Variants in IGF1R observed in about 807,000 individuals in gnomAD.
IGF1R encodes the protein insulin-like growth factor 1 receptor.
In IGF1R, 44 loss-of-function variants were observed where a neutral mutation model predicts 144.6. The ratio of observed to expected loss-of-function variants is 0.30; its 90% CI spans 0.24 to 0.39. The LOEUF (loss-of-function observed/expected upper bound fraction) is 0.39. IGF1R is among the 10% of genes least tolerant of loss of function. The pLI is 1.00. For synonymous variants in IGF1R, 795 were observed against 722.8 expected (o/e 1.10, Z -1.60); for missense variants, 1,355 against 1,833.7 (o/e 0.74, Z 4.77).
chr15:98,684,766 C>T (rs889942536), intron 1 of IGF1R, among the ~76,000 whole-genome samples: 5 of 152,006 alleles, frequency 3.3e-5, no homozygotes, highest in Admixed American at 2.6e-4. Flanking sequence ...TGGGATTTGG[C>T]TTCAGGAAGT....
intron 1 of IGF1R, among the ~76,000 whole-genome samples, chr15:98,693,594 T>C (rs560325209): frequency 1.3e-5 from 2 of 152,278 alleles, no homozygotes; most frequent in African/African-American, 2.4e-5. Context: ...TGTTCCCTGA[T>C]CGAATGACCT....
intron 2 of IGF1R, among the ~76,000 whole-genome samples, chr15:98,887,204 G>A (rs2141646411): frequency 6.6e-6 from 1 of 152,274 alleles, no homozygotes; most frequent in Middle Eastern, 3.4e-3. Context: ...TGTATCGGTT[G>A]TGGCACGGAC....
chr15:98,770,767 T>A (rs1248487560), intron 2 of IGF1R, among the ~76,000 whole-genome samples: 1 of 152,102 alleles, frequency 6.6e-6, no homozygotes, highest in African/African-American at 2.4e-5. Flanking sequence ...CTCCCTGCCG[T>A]GTCCTGGTTC....
chr15:98,729,264 C>G (rs903551688), intron 2 of IGF1R, among the ~76,000 whole-genome samples: 1 of 152,034 alleles, frequency 6.6e-6, no homozygotes. Context: ...TCTGATTCTT[C>G]AGGGCTTAAT....
At chr15:98,789,796 G>A (rs1596306718) in intron 2 of IGF1R, among the ~76,000 whole-genome samples, 1 of 152,136 alleles carries the variant, frequency 6.6e-6, no homozygotes, top group African/African-American at 2.4e-5. Flanking sequence ...TCATGGCCTT[G>A]GGAGGGTCCT....
intron 20 of IGF1R, among the ~76,000 whole-genome samples, chr15:98,950,534 A>G (rs2016732781): frequency 6.6e-6 from 1 of 152,168 alleles, no homozygotes; most frequent in Non-Finnish European, 1.5e-5. Flanking sequence ...GACTGCTTTC[A>G]ACTCTTGGAG....
Position 98,934,558 on chromosome 15 carries a change from G to A in IGF1R, c.2957-266G>A, listed in dbSNP as rs373849252. ...TTTCTTTCCTATACTAGACTTCCTT[G>A]CTTTGTTCTGGTCCTTCTATCTGTT... On this transcript the variant is annotated intron_variant, in intron 15 of 20. Transcript: ENST00000650285. Among the ~76,000 whole-genome samples, 7 of 152,134 alleles carry A rather than the reference G, an allele frequency of 4.6e-5. No homozygotes were observed. In the East Asian group the frequency reaches 5.8e-4, roughly 13 times the overall value.
At chr15:98,859,951 T>C (rs1567165411) in intron 2 of IGF1R, among the ~76,000 whole-genome samples, 1 of 152,226 alleles carries the variant, frequency 6.6e-6, no homozygotes, top group Non-Finnish European at 1.5e-5. Flanking sequence ...AGTCTTGCTC[T>C]GTCACCCAGG....
At chr15:98,911,486 G>A (rs774226246) in intron 7 of IGF1R, 45 bp downstream of exon 7, 16 of 1,613,094 alleles carry the variant, frequency 9.9e-6, no homozygotes, top group Admixed American at 1.7e-5. Context: ...ACAGGGCTAC[G>A]AATGGGAGAG....
chr15:98,661,964 T>C (rs1362126076), intron 1 of IGF1R, among the ~76,000 whole-genome samples: 3 of 132,862 alleles, frequency 2.3e-5, no homozygotes, highest in Admixed American at 7.3e-5. Flanking sequence ...CCCTTTTTTT[T>C]TTTTTTTTTT....
At chr15:98,781,629 T>C (rs1449221356) in intron 2 of IGF1R, among the ~76,000 whole-genome samples, 1 of 152,216 alleles carries the variant, frequency 6.6e-6, no homozygotes, top group Non-Finnish European at 1.5e-5. Context: ...TTAATAACAT[T>C]TAGCCTTTTT....
intron 2 of IGF1R, among the ~76,000 whole-genome samples, chr15:98,840,258 A>T (rs146965289): frequency 0.011 from 1,699 of 152,296 alleles, 23 homozygotes; most frequent in Middle Eastern, 0.051. Context: ...TCGTGATGAA[A>T]GATACTGCAA....
intron 2 of IGF1R, among the ~76,000 whole-genome samples, chr15:98,789,450 G>A (rs1276883505): frequency 6.6e-6 from 1 of 152,184 alleles, no homozygotes; most frequent in Admixed American, 6.5e-5. Context: ...TTGCTTCTGT[G>A]ATCAAGGTCT....
Position 98,957,014 on chromosome 15 carries a change from T to C in IGF1R, c.3723-47T>C, listed in dbSNP as rs202234575. The stretch of plus-strand genomic sequence containing the variant: ...GGCGGCCCATGAAGCCTCCTGGCCA[T>C]GTGCGCCCTCCCGGTTTGGACCCCC... On this transcript the variant is annotated intron_variant, in intron 20 of 20. Coordinates refer to ENST00000650285, the MANE Select transcript of IGF1R (RefSeq NM_000875.5). The C allele has an allele frequency of 2.0e-5, 32 of 1,611,934 alleles. No individual in the cohort carries two copies. In the African/African-American group the frequency reaches 2.3e-4, roughly 11 times the overall value.
chr15:98,893,174 C>A (rs1210041207), intron 3 of IGF1R, among the ~76,000 whole-genome samples: 2 of 152,162 alleles, frequency 1.3e-5, no homozygotes, highest in Non-Finnish European at 2.9e-5. Context: ...ATTTTTGCTG[C>A]AGCTTATGAA....
intron 2 of IGF1R, among the ~76,000 whole-genome samples, chr15:98,831,294 AT>A (rs1337077369): frequency 6.6e-6 from 1 of 152,100 alleles, no homozygotes; most frequent in African/African-American, 2.4e-5. Flanking sequence ...TCTTGCACCC[AT>A]TTTCACTTTC....
At chr15:98,838,081 A>G (rs543163188) in intron 2 of IGF1R, among the ~76,000 whole-genome samples, 124 of 152,218 alleles carry the variant, frequency 8.1e-4, no homozygotes, top group African/African-American at 2.9e-3. Flanking sequence ...GACTTTATTT[A>G]GTAGAGTATT....
intron 8 of IGF1R, among the ~76,000 whole-genome samples, chr15:98,913,518 G>A (rs992945413): frequency 1.5e-4 from 23 of 152,158 alleles, no homozygotes; most frequent in Admixed American, 9.2e-4. Context: ...GTGAGCCCAG[G>A]TCCTCCAGGG....
At chr15:98,863,166 T>C (rs1232480156) in intron 2 of IGF1R, among the ~76,000 whole-genome samples, 1 of 152,236 alleles carries the variant, frequency 6.6e-6, no homozygotes, top group African/African-American at 2.4e-5. Context: ...ATCTTTCTGT[T>C]AGAGTTTGTG....
Sources: allele counts gnomAD v4.1 joint callset (sites outside exome capture counted in the v4.1 genomes callset), GRCh38; gene constraint gnomAD v4.1.1; transcripts MANE v1.5; gene names NCBI Gene and HGNC (gene_info 2026-07-23, HGNC 2026-07-21).